ATXN3: variants seen among roughly 807,000 people sequenced by gnomAD.
ATXN3 encodes the protein ataxin 3.
Under a neutral mutation model 58.2 loss-of-function variants are expected in ATXN3, and 28 were observed. The ratio of observed to expected loss-of-function variants is 0.48; its 90% CI spans 0.36 to 0.66. The LOEUF is 0.66. Among genes scored for constraint, ATXN3 ranks in the 30% least tolerant of loss-of-function variants. ATXN3 has a pLI of 0.00. For synonymous variants in ATXN3, 113 were observed against 138.5 expected (o/e 0.82, Z 1.29); for missense variants, 321 against 422.1 (o/e 0.76, Z 2.10).
intron 2 of ATXN3, among the ~76,000 whole-genome samples, chr14:92,045,997 G>A (rs910128873): frequency 7.9e-5 from 12 of 152,292 alleles, no homozygotes; most frequent in Middle Eastern, 3.4e-3. Context: ...AGCTTCCTTT[G>A]GAAGTAAAGC....
At chr14:92,070,840 G>T in intron 10 of ATXN3, 95 bp downstream of exon 10, 1 of 1,608,862 alleles carries the variant, frequency 6.2e-7, no homozygotes, top group Non-Finnish European at 8.5e-7. Flanking sequence ...ATTAAAGAGG[G>T]AATGAAGAAT....
intron 1 of ATXN3, 45 bp from the exon 2 acceptor site, chr14:92,096,883 G>T: frequency 6.7e-7 from 1 of 1,496,438 alleles, no homozygotes. Flanking sequence ...TTGTTAAACA[G>T]AATTGTATAG....
At chr14:92,071,439 T>C (rs2059434371) in intron 9 of ATXN3, 1 of 353,400 alleles carries the variant, frequency 2.8e-6, no homozygotes, top group Non-Finnish European at 5.5e-6. Flanking sequence ...CTACTAAAAA[T>C]ACAAAAATTA....
chr14:92,067,290 C>T (rs1038509343), intron 10 of ATXN3, among the ~76,000 whole-genome samples: 1 of 152,210 alleles, frequency 6.6e-6, no homozygotes, highest in African/African-American at 2.4e-5. Context: ...GAGCTTCATT[C>T]AGCTTTTTCA....
In ATXN3 at chr14:92,064,281, G is replaced by T; in HGVS notation, c.*39C>A. 7.0e-7 allele frequency: 1 copy of T among 1,429,000 alleles called. No individual in the cohort carries two copies. Among genetic ancestry groups the T allele is most frequent in the Non-Finnish European group, 9.8e-7 (1 of 1,019,124 alleles). The allele number at this position is 1,429,000 out of a possible 1,614,324, so 88.5% of individuals were successfully genotyped here. ...CTATGCTGTAATCACACAGGATAAT[G>T]TTGGAAAGTATGAATATCTAAATTA... On this transcript the variant is annotated 3_prime_UTR_variant, in exon 11 of 11. Coordinates refer to ENST00000644486, the MANE Select transcript of ATXN3 (RefSeq NM_004993.6).
chr14:92,081,779 T>C (rs1320095190), intron 8 of ATXN3, among the ~76,000 whole-genome samples: 2 of 152,230 alleles, frequency 1.3e-5, no homozygotes, highest in East Asian at 1.9e-4. Flanking sequence ...TTAAGCTACT[T>C]TGAGCTATGT....
chr14:92,076,822 C>A (rs55724500), intron 9 of ATXN3, among the ~76,000 whole-genome samples: 2 of 150,930 alleles, frequency 1.3e-5, no homozygotes, highest in Non-Finnish European at 2.9e-5. Context: ...TGCCTGTAAC[C>A]GCAGCTACTT....
In ATXN3 at chr14:92,083,214, C is replaced by T; in HGVS notation, c.520G>A (p.Ala174Thr). 6.2e-7 allele frequency: 1 copy of T among 1,613,658 alleles called. No individual in the cohort carries two copies. The highest frequency in any genetic ancestry group is 1.1e-5 in the South Asian group (1 of 90,960). ...CTAATCATCTGCAGGAGTTGGTCAG[C>T]TTCGCAATCTGGCAGATCACCCTTA... Reference protein sequence around the residue: ...VVKGDLPDCEADQLLQMIRVQ... With the variant: ...VVKGDLPDCETDQLLQMIRVQ... The change falls in exon 7 of 11, where the codon GCT (alanine) becomes ACT (threonine). Residue 174 changes from alanine (A) to threonine (T), a missense_variant. Physicochemically the swap from Ala to Thr is moderately conservative, Grantham distance 58. Around this residue, in one of 2 missense-constraint regions of ATXN3, gnomAD observed 200 missense variants for 223.2 expected, o/e 0.90. Transcript: ENST00000644486.
rs1566921690 is a variant in ATXN3, at chr14:92,071,011, C to CTGCTGCTGCTGCTGCTGCTGCTGCTGT, written c.914_915insACAGCAGCAGCAGCAGCAGCAGCAGCA (p.Gln297_Gln305dup). On this transcript the variant is annotated inframe_insertion, in exon 10 of 11. Transcript: ENST00000644486. ...GTGAACTCTGTCCTGATAGGTCCCCCTGCTGCTGCTGCTGCTGCTGCTGTT... is the reference window on the plus strand; with the variant it reads ...GTGAACTCTGTCCTGATAGGTCCCCCTGCTGCTGCTGCTGCTGCTGCTGCTGTTGCTGCTGCTGCTGCTGCTGCTGTT... The CTGCTGCTGCTGCTGCTGCTGCTGCTGT allele has an allele frequency of 7.5e-7, 1 of 1,339,732 alleles. No homozygotes were observed. The highest frequency in any genetic ancestry group is 2.2e-5 in the Admixed American group (1 of 44,562). 83.0% of individuals were successfully genotyped at this position (1,339,732 alleles called of 1,614,324 possible).
chr14:92,096,027 A>G, intron 3 of ATXN3, 66 bp downstream of exon 3: 1 of 1,274,170 alleles, frequency 7.8e-7, no homozygotes, highest in Non-Finnish European at 1.1e-6. Context: ...TACAGTGACT[A>G]TTGAAAGGCT....
intron 9 of ATXN3, among the ~76,000 whole-genome samples, chr14:92,079,670 T>TG (rs1258196047): frequency 6.6e-6 from 1 of 152,236 alleles, no homozygotes; most frequent in African/African-American, 2.4e-5. Flanking sequence ...GATTGAGCTA[T>TG]GACTCTGTTT....
At chr14:92,098,162 G>T (rs932466798) in intron 1 of ATXN3, among the ~76,000 whole-genome samples, 1 of 152,174 alleles carries the variant, frequency 6.6e-6, no homozygotes, top group African/African-American at 2.4e-5. Flanking sequence ...TAAAAAAAGA[G>T]ATCTCACTAT....
At position 92,106,558 on chromosome 14, in the gene ATXN3, T is replaced by C. The variant is rs748959673; in HGVS notation, c.-6A>G. On this transcript the variant is annotated 5_prime_UTR_variant, in exon 1 of 11. Transcript: ENST00000644486. The stretch of plus-strand genomic sequence containing the variant: ...TCGTGGAAGATGGACTCCATGTTTA[T>C]TTGTCTGGAGCCAACGGCCCCCACG... 2 of 1,613,006 alleles carry C rather than the reference T, an allele frequency of 1.2e-6. No individual in the cohort carries two copies. The highest frequency in any genetic ancestry group is 1.7e-5 in the Admixed American group (1 of 59,992).
intron 9 of ATXN3, among the ~76,000 whole-genome samples, chr14:92,077,212 TATC>T (rs2060558172): frequency 1.3e-5 from 2 of 152,180 alleles, no homozygotes; most frequent in South Asian, 2.1e-4. Flanking sequence ...TTTTATGAAA[TATC>T]ATGCAGCCTG....
chr14:92,081,160 G>A (rs1001566957), intron 8 of ATXN3, 99 bp from the exon 9 acceptor site: 3 of 817,796 alleles, frequency 3.7e-6, no homozygotes, highest in Middle Eastern at 3.7e-4. Context: ...CCTTTAAAAC[G>A]TTTTCTCTTT....
At chr14:92,086,565 CA>C (rs138766948) in intron 6 of ATXN3, among the ~76,000 whole-genome samples, 12,252 of 98,264 alleles carry the variant, frequency 0.12, 561 homozygotes, top group Non-Finnish European at 0.15. Context: ...AACTCCATCT[CA>C]AAAAAAAAAA....
chr14:92,077,929 G>A (rs2060716451), intron 9 of ATXN3, among the ~76,000 whole-genome samples: 1 of 151,472 alleles, frequency 6.6e-6, no homozygotes, highest in African/African-American at 2.4e-5. Context: ...TTACAGACAT[G>A]AGCCACTACG....
intron 9 of ATXN3, among the ~76,000 whole-genome samples, chr14:92,072,920 C>G (rs1043845858): frequency 6.6e-6 from 1 of 152,174 alleles, no homozygotes; most frequent in Non-Finnish European, 1.5e-5. Flanking sequence ...CAATTTCTCC[C>G]TGTTGGTCTC....
chr14:92,081,064 G>A lies in ATXN3; in HGVS notation c.776-3C>T, dbSNP rs201992162. On this transcript the variant is annotated splice_polypyrimidine_tract_variant and splice_region_variant and intron_variant, in intron 8 of 10. Transcript: ENST00000644486. ...TTGAGATATGTTTCTGGAACTACCT[G>A]AAAACAAAACACAACACAACAAAAA... 5.1e-4 allele frequency: 814 copies of A among 1,583,252 alleles called. 2 individuals carry two copies. Among genetic ancestry groups the A allele is most frequent in the Non-Finnish European group, 2.8e-4 (318 of 1,153,364 alleles).
Sources: allele counts gnomAD v4.1 joint callset (sites outside exome capture counted in the v4.1 genomes callset), GRCh38; gene constraint gnomAD v4.1.1; regional missense constraint gnomAD v4.1.1; transcripts MANE v1.5; gene names NCBI Gene and HGNC (gene_info 2026-07-23, HGNC 2026-07-21).